MED13L: variants seen among roughly 807,000 people sequenced by gnomAD.
MED13L encodes the protein mediator of RNA polymerase II transcription subunit 13-like.
Under a neutral mutation model 220.9 loss-of-function variants are expected in MED13L, and 7 were observed. That is an observed-to-expected ratio of 0.03 (90% CI 0.02 to 0.06). The LOEUF is 0.06. MED13L is among the 10% of genes least tolerant of loss of function. The probability of loss-of-function intolerance (pLI) is 1.00; values close to 1 mark genes in which losing one functional copy is unlikely to be tolerated. For missense variants in MED13L, 1,965 were observed against 2,760.5 expected (o/e 0.71, Z 6.46); for synonymous variants, 1,011 against 1,015.2 (o/e 1.00, Z 0.08).
At chr12:116,260,415 C>T (rs2138554787) in intron 1 of MED13L, among the ~76,000 whole-genome samples, 1 of 152,230 alleles carries the variant, frequency 6.6e-6, no homozygotes, top group East Asian at 1.9e-4. Flanking sequence ...GTCAGGGTTG[C>T]ACTCCTGAAC....
intron 2 of MED13L, among the ~76,000 whole-genome samples, chr12:116,225,131 A>G (rs1210550390): frequency 6.6e-6 from 1 of 152,224 alleles, no homozygotes; most frequent in Non-Finnish European, 1.5e-5. Flanking sequence ...AGGACATCCC[A>G]TTAAAGTGTT....
At chr12:116,188,272 C>G (rs1200223975) in intron 2 of MED13L, among the ~76,000 whole-genome samples, 4 of 152,036 alleles carry the variant, frequency 2.6e-5, no homozygotes, top group Admixed American at 2.0e-4. Context: ...ATAGTTTGAG[C>G]ATAAGTATTC....
intron 2 of MED13L, among the ~76,000 whole-genome samples, chr12:116,120,469 T>TCACA (rs1317946558): frequency 5.2e-4 from 68 of 129,820 alleles, no homozygotes; most frequent in East Asian, 1.8e-3. Flanking sequence ...TCTCTCTCTC[T>TCACA]CTCTCTCTCA....
chr12:116,259,209 C>G (rs1016411628), intron 1 of MED13L, among the ~76,000 whole-genome samples: 1 of 152,100 alleles, frequency 6.6e-6, no homozygotes, highest in Non-Finnish European at 1.5e-5. Flanking sequence ...TAAACTATAT[C>G]TAAATTTACT....
intron 2 of MED13L, among the ~76,000 whole-genome samples, chr12:116,137,146 T>C (rs1225701567): frequency 1.3e-5 from 2 of 152,160 alleles, no homozygotes; most frequent in Admixed American, 6.5e-5. Context: ...CTACCAGATA[T>C]TGTCTATGCC....
intron 4 of MED13L, among the ~76,000 whole-genome samples, chr12:116,079,018 C>T (rs1011434924): frequency 7.2e-5 from 11 of 152,086 alleles, no homozygotes; most frequent in African/African-American, 2.2e-4. Flanking sequence ...GGAATTGTGA[C>T]GTCAAAAGAC....
intron 29 of MED13L, among the ~76,000 whole-genome samples, 153 bp from the exon 30 acceptor site, chr12:115,963,672 C>T (rs1034052980): frequency 6.6e-6 from 1 of 151,924 alleles, no homozygotes; most frequent in Admixed American, 6.5e-5. Flanking sequence ...TCAGTAACCC[C>T]CAAGGTAATC....
At chr12:116,212,296 A>C (rs910405164) in intron 2 of MED13L, among the ~76,000 whole-genome samples, 1 of 152,226 alleles carries the variant, frequency 6.6e-6, no homozygotes. Flanking sequence ...CAAACCCATG[A>C]GATTAAGTTG....
intron 2 of MED13L, among the ~76,000 whole-genome samples, chr12:116,156,234 T>C (rs1878417206): frequency 6.6e-6 from 1 of 151,934 alleles, no homozygotes; most frequent in African/African-American, 2.4e-5. Context: ...TTTCCAACCA[T>C]ATGATGAATG....
At chr12:115,989,484 C>T (rs992514012) in intron 17 of MED13L, among the ~76,000 whole-genome samples, 1 of 151,906 alleles carries the variant, frequency 6.6e-6, no homozygotes, top group Non-Finnish European at 1.5e-5. Context: ...CTCGTCTATA[C>T]TTTTCTCCTC....
chr12:116,006,704 AG>A, intron 11 of MED13L: 1 of 465,198 alleles, frequency 2.1e-6, no homozygotes, highest in South Asian at 2.3e-5. Context: ...TGGTGTTAAA[AG>A]CTGCCTTTAA....
At chr12:116,221,626 G>C (rs1370997371) in intron 2 of MED13L, among the ~76,000 whole-genome samples, 1 of 151,870 alleles carries the variant, frequency 6.6e-6, no homozygotes, top group Admixed American at 6.6e-5. Context: ...TAGGCACAAC[G>C]AGCACAAATA....
intron 1 of MED13L, chr12:116,276,308 TTG>T (rs372521434): frequency 0.12 from 27,232 of 224,110 alleles, 1,578 homozygotes; most frequent in East Asian, 0.21. Flanking sequence ...CTTGTTGCTT[TTG>T]TGTGTGTGTG....
At chr12:116,074,485 C>T (rs1870627657) in intron 4 of MED13L, among the ~76,000 whole-genome samples, 3 of 152,234 alleles carry the variant, frequency 2.0e-5, no homozygotes, top group Non-Finnish European at 2.9e-5. Flanking sequence ...TTTTATGTCA[C>T]CTAATAGACA....
At position 116,195,461 on chromosome 12, in the gene MED13L, T is replaced by C. The variant is rs183880139; in HGVS notation, c.310+42007A>G. 1.3e-3 allele frequency among the ~76,000 whole-genome samples: 202 copies of C among 152,170 alleles called. 1 individual carries two copies. Among genetic ancestry groups the C allele is most frequent in the Non-Finnish European group, 2.6e-3 (180 of 67,994 alleles). On this transcript the variant is annotated intron_variant, in intron 2 of 30. Coordinates refer to ENST00000281928, the MANE Select transcript of MED13L (RefSeq NM_015335.5). ...GCCTGAAAATAGTATGCTTAAAATT[T>C]TTTTCTTTTTTTGAGATAGAGTCTG...
intron 2 of MED13L, among the ~76,000 whole-genome samples, chr12:116,141,446 C>T (rs1281761462): frequency 4.6e-5 from 7 of 152,014 alleles, no homozygotes; most frequent in African/African-American, 1.7e-4. Flanking sequence ...ACAAAATATG[C>T]AAATACAATT....
chr12:116,031,757 A>AGG (rs1880836727), intron 4 of MED13L, among the ~76,000 whole-genome samples: 3,298 of 35,646 alleles, frequency 0.093, 157 homozygotes, highest in Non-Finnish European at 0.13. Flanking sequence ...AAAGAAAAGA[A>AGG]AAGAAGGAAG....
At chr12:116,122,118 GA>G (rs986150363) in intron 2 of MED13L, among the ~76,000 whole-genome samples, 48 of 151,992 alleles carry the variant, frequency 3.2e-4, no homozygotes, top group Admixed American at 6.6e-4. Flanking sequence ...AAAATCTTCT[GA>G]ATTATTAAAT....
chr12:115,973,216 C>A (rs574926206), intron 25 of MED13L, among the ~76,000 whole-genome samples: 3 of 152,048 alleles, frequency 2.0e-5, no homozygotes, highest in African/African-American at 7.2e-5. Context: ...AAACCAAGTA[C>A]GAAAGAAAAG....
Sources: allele counts gnomAD v4.1 joint callset (sites outside exome capture counted in the v4.1 genomes callset), GRCh38; gene constraint gnomAD v4.1.1; transcripts MANE v1.5; gene names NCBI Gene and HGNC (gene_info 2026-07-23, HGNC 2026-07-21).